PCDHA2: variants seen among roughly 807,000 people sequenced by gnomAD.
The protein encoded by PCDHA2 is protocadherin alpha-2.
In PCDHA2, 58 loss-of-function variants were observed where a neutral mutation model predicts 66.0. The ratio of observed to expected loss-of-function variants is 0.88; its 90% CI spans 0.71 to 1.09. The LOEUF is 1.09. Among genes scored for constraint, PCDHA2 ranks in the 50% least tolerant of loss-of-function variants. PCDHA2 has a pLI of 0.00. For missense variants in PCDHA2, 1,267 were observed against 1,242.3 expected (o/e 1.02, Z -0.30); for synonymous variants, 634 against 554.0 (o/e 1.14, Z -2.03).
intron 3 of PCDHA2, among the ~76,000 whole-genome samples, chr5:140,996,546 T>C (rs1179221123): frequency 6.6e-6 from 1 of 152,224 alleles, no homozygotes; most frequent in Admixed American, 6.5e-5. Flanking sequence ...GATATTATGC[T>C]GTCACTATCT....
chr5:140,945,201 T>G (rs1168662297), intron 1 of PCDHA2, among the ~76,000 whole-genome samples: 1 of 152,172 alleles, frequency 6.6e-6, no homozygotes, highest in Middle Eastern at 3.4e-3. Context: ...CTATTTACAA[T>G]AGCTATGAGA....
chr5:140,862,039 C>A (rs1554155581), intron 1 of PCDHA2: 1 of 155,382 alleles, frequency 6.4e-6, no homozygotes, highest in African/African-American at 2.4e-5. Context: ...GGGTTCAAAC[C>A]GTCACATTGT....
At chr5:140,897,785 A>G (rs1246213890) in intron 1 of PCDHA2, among the ~76,000 whole-genome samples, 1 of 152,148 alleles carries the variant, frequency 6.6e-6, no homozygotes, top group Non-Finnish European at 1.5e-5. Context: ...CAATGGTTGA[A>G]CTAGTTTAGA....
intron 1 of PCDHA2, chr5:140,877,656 C>T (rs782196097): frequency 4.3e-6 from 7 of 1,613,442 alleles, no homozygotes; most frequent in African/African-American, 4.0e-5. Flanking sequence ...CGCCGCCCAC[C>T]GTGAGCCGGT....
rs1214485732 is a variant in PCDHA2, at chr5:141,010,285, C to T, written c.*348C>T. On this transcript the variant is annotated 3_prime_UTR_variant, in exon 4 of 4. Coordinates refer to ENST00000526136, the MANE Select transcript of PCDHA2 (RefSeq NM_018905.3). The stretch of plus-strand genomic sequence containing the variant: ...CTCCGGGGATCCTGTCTTGATGACA[C>T]TTGCAGGGCAGGCTGAAAAGTTTTG... The T allele has an allele frequency of 1.3e-6, 2 of 1,550,458 alleles. No homozygotes were observed. The highest frequency in any genetic ancestry group is 1.7e-6 in the Non-Finnish European group (2 of 1,146,698).
chr5:140,926,948 CG>C, intron 1 of PCDHA2: 2 of 1,589,778 alleles, frequency 1.3e-6, no homozygotes, highest in African/African-American at 1.3e-5. Context: ...GGCGCTGCAG[CG>C]GGACAGCTCG....
Position 140,796,371 on chromosome 5 carries a change from G to A in PCDHA2, c.1407G>A (p.Pro469=). ...CAGTATTCGTGAAGGAGAACAACCC[G>A]CCGGGCTGCCACATCTTCACGGTGT... ...EYTVFVKENN[P]PGCHIFTVSA... is the part of the protein sequence containing the mutation. The change falls in exon 1 of 4, where the codon CCG becomes CCA. Residue 469 remains proline, a synonymous_variant. Transcript: ENST00000526136. The A allele has an allele frequency of 1.2e-6, 2 of 1,614,014 alleles. No individual in the cohort carries two copies. The highest frequency in any genetic ancestry group is 2.2e-5 in the South Asian group (2 of 91,078).
At position 140,855,260 on chromosome 5, in the gene PCDHA2, A is replaced by G. The variant is rs146587233; in HGVS notation, c.2388+57908A>G. ...TACTATTGCAAGCACTTACTATATT[A>G]TAATTCACTCAACCACCGTATTACT... is the stretch of plus-strand genomic sequence containing the variant. On this transcript the variant is annotated intron_variant, in intron 1 of 3. Coordinates refer to ENST00000526136, the MANE Select transcript of PCDHA2 (RefSeq NM_018905.3). Among the ~76,000 whole-genome samples, 51 of 149,956 alleles carry G rather than the reference A, an allele frequency of 3.4e-4. No homozygotes were observed. In the East Asian group the frequency reaches 7.5e-3, roughly 22 times the overall value.
chr5:140,875,816 A>C lies in PCDHA2; in HGVS notation c.2388+78464A>C, dbSNP rs570265935. On this transcript the variant is annotated intron_variant, in intron 1 of 3. Coordinates refer to ENST00000526136, the MANE Select transcript of PCDHA2 (RefSeq NM_018905.3). ...GAGGTGATCGTGGACAGGCCGCTGC[A>C]GGTTTTCCATGTGGACGTGGAGGTG... is the stretch of plus-strand genomic sequence containing the variant. 24 of 1,614,198 alleles carry C rather than the reference A, an allele frequency of 1.5e-5. No individual in the cohort carries two copies. The South Asian group carries it at 2.6e-4, about 18-fold the overall frequency.
intron 1 of PCDHA2, chr5:140,843,183 C>G (rs1778646285): frequency 1.9e-6 from 3 of 1,595,908 alleles, no homozygotes; most frequent in Non-Finnish European, 2.6e-6. Flanking sequence ...CCTCGCATCC[C>G]GTTCCGCGTG....
In PCDHA2 at chr5:141,010,049, C is replaced by G. The variant is rs1554262651; in HGVS notation, c.*112C>G. 7 of 1,597,692 alleles carry G rather than the reference C, an allele frequency of 4.4e-6. No individual in the cohort carries two copies. The highest frequency in any genetic ancestry group is 1.3e-5 in the African/African-American group (1 of 74,172). On this transcript the variant is annotated 3_prime_UTR_variant, in exon 4 of 4. Coordinates refer to ENST00000526136, the MANE Select transcript of PCDHA2 (RefSeq NM_018905.3). ...TATCTACATGAGCCCTCTTAGAGAC[C>G]TCAGAAATCTGCAGAAAGTTCCCTG...
At chr5:140,966,350 A>C in intron 1 of PCDHA2, 1 of 397,418 alleles carries the variant, frequency 2.5e-6, no homozygotes, top group Non-Finnish European at 4.4e-6. Flanking sequence ...GGTGAAGGAG[A>C]TGGGGCTGGA....
At chr5:140,848,803 G>A in intron 1 of PCDHA2, 3 of 1,592,286 alleles carry the variant, frequency 1.9e-6, no homozygotes, top group South Asian at 1.1e-5. Flanking sequence ...GCGGAGTGCA[G>A]CATCCACCTG....
chr5:140,848,724 G>T, intron 1 of PCDHA2: 5 of 1,592,662 alleles, frequency 3.1e-6, no homozygotes, highest in Non-Finnish European at 4.3e-6. Context: ...CCTTCTGGAG[G>T]TAAATCTGCA....
chr5:140,830,065 G>T (rs1274600661), intron 1 of PCDHA2: 1 of 1,613,614 alleles, frequency 6.2e-7, no homozygotes, highest in African/African-American at 1.3e-5. Context: ...GTGAGCCGGC[G>T]CTGACAGCGA....
At chr5:140,870,893 A>G in intron 1 of PCDHA2, 1 of 1,613,930 alleles carries the variant, frequency 6.2e-7, no homozygotes, top group Non-Finnish European at 8.5e-7. Flanking sequence ...CGCGCAGTGG[A>G]TGCGGACTCA....
intron 1 of PCDHA2, chr5:140,842,775 A>T (rs1778262095): frequency 6.3e-7 from 1 of 1,594,430 alleles, no homozygotes; most frequent in Non-Finnish European, 8.6e-7. Flanking sequence ...GCGGACGCGC[A>T]GGAGAACGCG....
chr5:140,862,256 A>C (rs2047276539), intron 1 of PCDHA2: 1 of 223,718 alleles, frequency 4.5e-6, no homozygotes, highest in Non-Finnish European at 8.9e-6. Context: ...TTCCAGAGTT[A>C]GCAGTAAGTC....
chr5:140,868,974 C>T (rs2050775096), intron 1 of PCDHA2: 4 of 1,471,768 alleles, frequency 2.7e-6, no homozygotes, highest in South Asian at 1.4e-5. Flanking sequence ...GGAACTCCAT[C>T]ATACCGGATG....
Sources: allele counts gnomAD v4.1 joint callset (sites outside exome capture counted in the v4.1 genomes callset), GRCh38; gene constraint gnomAD v4.1.1; transcripts MANE v1.5; gene names NCBI Gene and HGNC (gene_info 2026-07-23, HGNC 2026-07-21).